Variants in CDH7 observed in about 807,000 individuals in gnomAD.
The protein encoded by CDH7 is cadherin-7.
Under a neutral mutation model 71.8 loss-of-function variants are expected in CDH7, and 25 were observed. The observed-to-expected ratio is 0.35, with a 90% CI of 0.25 to 0.49. The LOEUF (loss-of-function observed/expected upper bound fraction) is 0.49. Among genes scored for constraint, CDH7 ranks in the 20% least tolerant of loss-of-function variants. The probability of loss-of-function intolerance (pLI) is 0.99; values close to 1 mark genes in which losing one functional copy is unlikely to be tolerated. For synonymous variants in CDH7, 381 were observed against 363.8 expected (o/e 1.05, Z -0.54); for missense variants, 862 against 974.6 (o/e 0.88, Z 1.54).
intron 2 of CDH7, among the ~76,000 whole-genome samples, chr18:65,775,961 T>A (rs1659831597): frequency 6.6e-6 from 1 of 152,180 alleles, no homozygotes; most frequent in Non-Finnish European, 1.5e-5. Flanking sequence ...TAAAATGCTT[T>A]GAAATATAGA....
chr18:65,796,682 C>T (rs772443406), intron 2 of CDH7, among the ~76,000 whole-genome samples: 1 of 152,024 alleles, frequency 6.6e-6, no homozygotes, highest in Non-Finnish European at 1.5e-5. Context: ...AACATCAGAG[C>T]GACACAAGGG....
chr18:65,797,141 A>C lies in CDH7; in HGVS notation c.211-12563A>C, dbSNP rs529172623. The stretch of plus-strand genomic sequence containing the variant: ...CAGAGCAACCAATATGCAAAAACAA[A>C]AACAACAACAGCAACAACAACAAAA... On this transcript the variant is annotated intron_variant, in intron 2 of 11. Coordinates refer to ENST00000397968, the MANE Select transcript of CDH7 (RefSeq NM_004361.5). 8.5e-5 allele frequency among the ~76,000 whole-genome samples: 13 copies of C among 152,260 alleles called. No individual in the cohort carries two copies. The South Asian group carries it at 2.7e-3, about 32-fold the overall frequency.
chr18:65,799,096 T>C (rs181490637), intron 2 of CDH7, among the ~76,000 whole-genome samples: 1 of 152,210 alleles, frequency 6.6e-6, no homozygotes, highest in Admixed American at 6.5e-5. Context: ...GACAGGCTCT[T>C]TGACTTGTCC....
intron 2 of CDH7, among the ~76,000 whole-genome samples, chr18:65,770,669 A>G (rs1916514851): frequency 6.6e-6 from 1 of 152,206 alleles, no homozygotes; most frequent in Non-Finnish European, 1.5e-5. Flanking sequence ...CAAGTAATAT[A>G]TATGTTTGGT....
intron 11 of CDH7, chr18:65,866,494 G>C (rs1378255433): frequency 6.6e-6 from 1 of 152,014 alleles, no homozygotes; most frequent in Admixed American, 6.5e-5. Context: ...ATTACCAGAA[G>C]TTTAATGCTG....
chr18:65,781,811 C>CT (rs1910221704), intron 2 of CDH7, among the ~76,000 whole-genome samples: 2 of 64,088 alleles, frequency 3.1e-5, no homozygotes, highest in Non-Finnish European at 5.6e-5. Flanking sequence ...TCCTTCCTTC[C>CT]TTCCTTCCTT....
chr18:65,837,336 T>C (rs2143973280), intron 6 of CDH7, among the ~76,000 whole-genome samples: 1 of 152,242 alleles, frequency 6.6e-6, no homozygotes, highest in African/African-American at 2.4e-5. Flanking sequence ...TGAGCTAGGA[T>C]GGAGGGTGGG....
At chr18:65,766,013 C>A (rs530828798) in intron 2 of CDH7, among the ~76,000 whole-genome samples, 36 of 152,052 alleles carry the variant, frequency 2.4e-4, no homozygotes, top group African/African-American at 8.7e-4. Context: ...AGTTATGGAT[C>A]ATCTATTTTG....
chr18:65,809,036 C>G (rs973705950), intron 2 of CDH7, among the ~76,000 whole-genome samples: 1 of 152,150 alleles, frequency 6.6e-6, no homozygotes, highest in African/African-American at 2.4e-5. Context: ...AAATCTAATG[C>G]AGTTCTGGGT....
At position 65,829,980 on chromosome 18, in the gene CDH7, GGTCA is replaced by G. The variant is rs200503128; in HGVS notation, c.981+5153_981+5156del. Among the ~76,000 whole-genome samples, 35 of 152,192 alleles carry G rather than the reference GGTCA, an allele frequency of 2.3e-4. No homozygotes were observed. The East Asian group carries it at 6.8e-3, about 29-fold the overall frequency. On this transcript the variant is annotated intron_variant, in intron 6 of 11. Coordinates refer to ENST00000397968, the MANE Select transcript of CDH7 (RefSeq NM_004361.5). The stretch of plus-strand genomic sequence containing the variant: ...CTCAGGCCCCATCTGTCAGCCAACT[GGTCA>G]GTCCTACCAGGGCTTTCAAAGATTT...
At chr18:65,854,889 C>T (rs958672140) in intron 7 of CDH7, among the ~76,000 whole-genome samples, 1 of 150,374 alleles carries the variant, frequency 6.7e-6, no homozygotes, top group Non-Finnish European at 1.5e-5. Context: ...TTGGTTCATA[C>T]ATATACGTAT....
rs763822534 is a variant in CDH7 at position 65,771,456 on chromosome 18, A to G, written c.210+8404A>G. Among the ~76,000 whole-genome samples the G allele has an allele frequency of 1.2e-4, 18 of 152,104 alleles. No homozygotes were observed. In the Middle Eastern group the frequency reaches 0.014, roughly 115 times the overall value. ...GGAGTTTGAGACCAGCCTGGCCAAC[A>G]TGGTGAAACCCCATCTCTACTAAAA... is the stretch of plus-strand genomic sequence containing the variant. On this transcript the variant is annotated intron_variant, in intron 2 of 11. Transcript: ENST00000397968.
chr18:65,841,012 A>AT (rs538555812), intron 6 of CDH7, among the ~76,000 whole-genome samples: 11 of 152,162 alleles, frequency 7.2e-5, no homozygotes, highest in South Asian at 2.1e-4. Context: ...TAAAAATTTA[A>AT]TTTTTTTATT....
chr18:65,771,985 AT>A (rs1916558121), intron 2 of CDH7, among the ~76,000 whole-genome samples: 1 of 152,124 alleles, frequency 6.6e-6, no homozygotes, highest in East Asian at 1.9e-4. Flanking sequence ...AACCAAAATG[AT>A]TAACATCATT....
chr18:65,793,073 G>A (rs1910771224), intron 2 of CDH7, among the ~76,000 whole-genome samples: 1 of 152,160 alleles, frequency 6.6e-6, no homozygotes, highest in South Asian at 2.1e-4. Flanking sequence ...TTGAGCATTT[G>A]TGTGCAGTGG....
chr18:65,835,002 A>G (rs963847130), intron 6 of CDH7, among the ~76,000 whole-genome samples: 3 of 152,100 alleles, frequency 2.0e-5, no homozygotes, highest in African/African-American at 7.2e-5. Flanking sequence ...GGATATTTTT[A>G]TGCTGATCTT....
intron 8 of CDH7, among the ~76,000 whole-genome samples, 195 bp from the exon 9 acceptor site, chr18:65,858,730 A>G (rs1215617743): frequency 2.0e-5 from 3 of 152,060 alleles, no homozygotes; most frequent in South Asian, 2.1e-4. Flanking sequence ...GTGTGTATAT[A>G]TATACACACA....
Position 65,880,636 on chromosome 18 carries a change from C to G in CDH7, c.2100C>G (p.Ser700Arg). 6.2e-7 allele frequency: 1 copy of G among 1,613,928 alleles called. No individual in the cohort carries two copies. The highest frequency in any genetic ancestry group is 8.5e-7 in the Non-Finnish European group (1 of 1,179,982). ...TCCTGAGTCGACCAGCTTTTAAAAG[C>G]ATCCCAGATAATGTCATCTTTAGGG... is the stretch of plus-strand genomic sequence containing the variant. ...IQFLSRPAFK[S>R]IPDNVIFREF... is the part of the protein sequence containing the mutation. Residue 700 changes from serine to arginine, a missense_variant, in exon 12 of 12, where the codon AGC becomes AGG. Transcript: ENST00000397968.
intron 1 of CDH7, among the ~76,000 whole-genome samples, chr18:65,755,082 T>G (rs1915994906): frequency 6.6e-6 from 1 of 152,204 alleles, no homozygotes; most frequent in Non-Finnish European, 1.5e-5. Context: ...GTATAAAAAT[T>G]TAAGTACAGC....
Sources: allele counts gnomAD v4.1 joint callset (sites outside exome capture counted in the v4.1 genomes callset), GRCh38; gene constraint gnomAD v4.1.1; transcripts MANE v1.5; gene names NCBI Gene and HGNC (gene_info 2026-07-23, HGNC 2026-07-21).